Variants in NIPSNAP3B observed in about 807,000 individuals in gnomAD.
The protein encoded by NIPSNAP3B is nipsnap homolog 3B, also known as protein NipSnap homolog 3B.
A neutral mutation model predicts 31.5 loss-of-function variants in NIPSNAP3B; 30 were observed. The ratio of observed to expected loss-of-function variants is 0.95; its 90% CI spans 0.71 to 1.29. The LOEUF (loss-of-function observed/expected upper bound fraction) is 1.29. Among genes scored for constraint, NIPSNAP3B ranks in the 50% most tolerant of loss-of-function variants. The probability of loss-of-function intolerance (pLI) is 0.00; values close to 1 mark genes in which losing one functional copy is unlikely to be tolerated. For synonymous variants in NIPSNAP3B, 106 were observed against 107.9 expected (o/e 0.98, Z 0.11); for missense variants, 269 against 300.7 (o/e 0.89, Z 0.78).
At chr9:104,779,081 C>T (rs1168366018), downstream of NIPSNAP3B, among the ~76,000 whole-genome samples, 1 of 152,124 alleles carries the variant, frequency 6.6e-6, no homozygotes. Context: ...ATTCTTTCTT[C>T]CGGGAATATC....
At chr9:104,781,107 A>T (rs368530588), downstream of NIPSNAP3B, 42 of 152,580 alleles carry the variant, frequency 2.8e-4, no homozygotes, top group African/African-American at 5.8e-4. Context: ...GACATACAAA[A>T]TTTTTTTTCT....
At chr9:104,764,791 C>G (rs1191607302) in intron 1 of NIPSNAP3B, among the ~76,000 whole-genome samples, 2 of 152,094 alleles carry the variant, frequency 1.3e-5, no homozygotes, top group African/African-American at 2.4e-5. Flanking sequence ...TCGTGATCCG[C>G]CCACCTTGGC....
the NIPSNAP3B span, chr9:104,785,469 A>C: frequency 6.3e-7 from 1 of 1,587,856 alleles, no homozygotes; most frequent in Non-Finnish European, 8.6e-7. Flanking sequence ...GAGGATGCTG[A>C]ATATCCTGGC....
In NIPSNAP3B at chr9:104,770,997, A is replaced by C. The variant is rs1156305775; in HGVS notation, c.579A>C (p.Arg193Ser). ...ACACAGAATATGGAGAACTCAACAGAGGTACAGTTGTCCATTTGTTCTATG... is the reference window on the plus strand; with the variant it reads ...ACACAGAATATGGAGAACTCAACAGCGGTACAGTTGTCCATTTGTTCTATG... ...VFHTEYGELN[R>S]VHVLWWNESA... Residue 193 changes from arginine to serine, a missense_variant and splice_region_variant, in exon 4 of 6, where the codon AGA becomes AGC. Coordinates refer to ENST00000374762, the MANE Select transcript of NIPSNAP3B (RefSeq NM_018376.4). 3 of 1,613,578 alleles carry C rather than the reference A, an allele frequency of 1.9e-6. No individual in the cohort carries two copies. The highest frequency in any genetic ancestry group is 2.5e-6 in the Non-Finnish European group (3 of 1,179,586).
chr9:104,784,603 G>A, the NIPSNAP3B span: 1 of 980,624 alleles, frequency 1.0e-6, no homozygotes, highest in Admixed American at 2.4e-5. Flanking sequence ...GTGTGTGAAG[G>A]AGGGAAGAAT....
the NIPSNAP3B span, chr9:104,788,360 A>G: frequency 6.2e-7 from 1 of 1,610,456 alleles, no homozygotes; most frequent in African/African-American, 1.3e-5. Flanking sequence ...GCGTGTGGAA[A>G]AGCCATAAGG....
chr9:104,779,323 G>GTAC (rs1367962496), downstream of NIPSNAP3B, among the ~76,000 whole-genome samples: 2 of 152,004 alleles, frequency 1.3e-5, no homozygotes. Context: ...CTTCTACATT[G>GTAC]TACCCCCTAG....
Position 104,772,855 on chromosome 9 carries a change from G to A in NIPSNAP3B, c.614G>A (p.Ser205Asn). The change falls in exon 5 of 6, where the codon AGT (serine) becomes AAT (asparagine). Residue 205 changes from serine (S) to asparagine (N), a missense_variant. Physicochemically the swap from Ser to Asn is conservative, Grantham distance 46. Coordinates refer to ENST00000374762, the MANE Select transcript of NIPSNAP3B (RefSeq NM_018376.4). The stretch of plus-strand genomic sequence containing the variant: ...CTTTGGTGGAATGAGAGTGCAGATA[G>A]TCGTGCAGCTGGGAGACATAAGTCC... The part of the protein sequence containing the change: ...HVLWWNESAD[S>N]RAAGRHKSHE... 6.2e-7 allele frequency: 1 copy of A among 1,613,554 alleles called. No individual in the cohort carries two copies. The highest frequency in any genetic ancestry group is 8.5e-7 in the Non-Finnish European group (1 of 1,179,760).
downstream of NIPSNAP3B, among the ~76,000 whole-genome samples, chr9:104,780,686 C>A (rs1361735244): frequency 6.6e-6 from 1 of 152,160 alleles, no homozygotes; most frequent in African/African-American, 2.4e-5. Context: ...TTCCCCTATA[C>A]CAAGTGAACA....
downstream of NIPSNAP3B, among the ~76,000 whole-genome samples, chr9:104,779,618 T>TG (rs201637768): frequency 2.5e-4 from 16 of 63,804 alleles, no homozygotes; most frequent in African/African-American, 6.7e-4. Flanking sequence ...TGAAGCTAAG[T>TG]GGGTTTTTTT....
chr9:104,782,368 A>G (rs1257308971), downstream of NIPSNAP3B: 1 of 152,126 alleles, frequency 6.6e-6, no homozygotes, highest in African/African-American at 2.4e-5. Flanking sequence ...AAATATAGAA[A>G]GATTAATTTG....
the NIPSNAP3B span, chr9:104,785,370 A>T: frequency 2.5e-6 from 4 of 1,613,520 alleles, no homozygotes; most frequent in Admixed American, 1.7e-5. Context: ...CTGAGAAGTA[A>T]ATCTGTTTTG....
chr9:104,781,423 G>A (rs1828540430), downstream of NIPSNAP3B: 1 of 152,318 alleles, frequency 6.6e-6, no homozygotes, highest in African/African-American at 2.4e-5. Flanking sequence ...AATAACAAGG[G>A]TACAAATTAA....
chr9:104,784,354 A>G, the NIPSNAP3B span: 96 of 1,613,980 alleles, frequency 5.9e-5, no homozygotes, highest in Non-Finnish European at 7.9e-5. Context: ...CCTGTAGAAA[A>G]GATGTGAGAA....
the NIPSNAP3B span, chr9:104,788,077 G>A: frequency 6.2e-7 from 1 of 1,613,144 alleles, no homozygotes; most frequent in Admixed American, 1.7e-5. Flanking sequence ...AAAGCACCTT[G>A]ACTTTGGTCT....
intron 1 of NIPSNAP3B, 134 bp from the exon 2 acceptor site, chr9:104,766,191 T>C: frequency 3.1e-6 from 2 of 654,596 alleles, no homozygotes; most frequent in Non-Finnish European, 5.4e-6. Context: ...CAAGTGTATA[T>C]GGAGAATTGA....
At chr9:104,768,818 G>T (rs769954090) in intron 2 of NIPSNAP3B, 45 bp from the exon 3 acceptor site, 2 of 1,544,574 alleles carry the variant, frequency 1.3e-6, no homozygotes, top group Non-Finnish European at 1.8e-6. Flanking sequence ...AAATATGGGC[G>T]ATTTTAAATA....
chr9:104,786,899 C>T, the NIPSNAP3B span: 5 of 1,614,036 alleles, frequency 3.1e-6, no homozygotes, highest in Non-Finnish European at 4.2e-6. Flanking sequence ...CTACTGATCT[C>T]CCCTCCTTGA....
chr9:104,779,119 C>T (rs184822777), downstream of NIPSNAP3B, among the ~76,000 whole-genome samples: 3 of 152,252 alleles, frequency 2.0e-5, no homozygotes, highest in East Asian at 5.8e-4. Context: ...AAGGCTGCTC[C>T]TGCTCTTTTT....
Sources: allele counts gnomAD v4.1 joint callset (sites outside exome capture counted in the v4.1 genomes callset), GRCh38; gene constraint gnomAD v4.1.1; transcripts MANE v1.5; gene names NCBI Gene and HGNC (gene_info 2026-07-23, HGNC 2026-07-21).